The following TG variants were observed in gnomAD, a reference collection of about 807,000 sequenced individuals.
TG encodes thyroid hormones.
In TG, 270 loss-of-function variants were observed where a neutral mutation model predicts 324.7. The observed-to-expected ratio is 0.83, with a 90% confidence interval of 0.75 to 0.92. The LOEUF (loss-of-function observed/expected upper bound fraction) is 0.92, where lower values mean the gene tolerates loss of function less well. Ranked by LOEUF, TG falls within the 40% of genes least tolerant of loss-of-function variation. The pLI is 0.00. For missense variants in TG, 3,591 were observed against 3,456.4 expected (o/e 1.04, Z -0.98); for synonymous variants, 1,401 against 1,327.0 (o/e 1.06, Z -1.21).
At chr8:132,970,834 G>T (rs1829401848) in intron 32 of TG, among the ~76,000 whole-genome samples, 1 of 152,192 alleles carries the variant, frequency 6.6e-6, no homozygotes, top group Non-Finnish European at 1.5e-5. Context: ...GATAGGAAAA[G>T]GAAGCAGTAA....
At position 132,873,244 on chromosome 8, in the gene TG, A is replaced by T. The variant is rs576138149; in HGVS notation, c.638+23A>T. The T allele has an allele frequency of 2.0e-4, 326 of 1,613,692 alleles. 4 individuals carry two copies. In the South Asian group the frequency reaches 2.7e-3, roughly 13 times the overall value. ...CAGGTAAGGGGAGCAGGGGTGTGCC[A>T]GTCACTGGGCCATCACCTGACGCAG... On this transcript the variant is annotated intron_variant, in intron 5 of 47. Transcript: ENST00000220616.
intron 40 of TG, 62 bp downstream of exon 40, chr8:133,022,212 C>T (rs1307606939): frequency 1.2e-6 from 2 of 1,609,244 alleles, no homozygotes; most frequent in Admixed American, 1.7e-5. Flanking sequence ...CCCCTTTTCC[C>T]CAAGACCCAT....
intron 41 of TG, among the ~76,000 whole-genome samples, chr8:133,039,635 T>G (rs983243194): frequency 6.6e-6 from 1 of 152,176 alleles, no homozygotes; most frequent in Non-Finnish European, 1.5e-5. Context: ...TGAGTGGGTT[T>G]TAAATAATAT....
intron 33 of TG, chr8:132,972,277 T>G (rs551037310): frequency 4.6e-5 from 22 of 473,554 alleles, no homozygotes; most frequent in East Asian, 3.7e-4. Context: ...CCTCCTCATC[T>G]GTATATAGGG....
chr8:133,011,937 C>T lies in TG; in HGVS notation c.6299C>T (p.Ser2100Leu). ...LDSWQSLALS[S>L]VVVDPSIRHF... ...TCGTGGCAGTCCCTGGCCCTCTCTTCAGTGGTTGTTGATCCATCCATTAGG... is the reference window on the plus strand; with the variant it reads ...TCGTGGCAGTCCCTGGCCCTCTCTTTAGTGGTTGTTGATCCATCCATTAGG... Residue 2100 changes from serine (S) to leucine (L), a missense_variant, in exon 36 of 48, where the codon TCA becomes TTA. Physicochemically the swap from Ser to Leu is moderately radical, Grantham distance 145. Transcript: ENST00000220616. The T allele has an allele frequency of 1.2e-6, 2 of 1,614,224 alleles. No individual in the cohort carries two copies.
At chr8:133,030,046 T>G (rs1435240161) in intron 41 of TG, 23 bp downstream of exon 41, 13 of 1,613,936 alleles carry the variant, frequency 8.1e-6, no homozygotes, top group Non-Finnish European at 9.3e-6. Flanking sequence ...TGTTCTACCT[T>G]CAGTCTTACT....
At chr8:133,120,862 G>A (rs1280975780) in intron 45 of TG, among the ~76,000 whole-genome samples, 1 of 152,192 alleles carries the variant, frequency 6.6e-6, no homozygotes, top group African/African-American at 2.4e-5. Flanking sequence ...CTCTTGAATG[G>A]CAATGGCCCA....
chr8:133,088,708 C>T (rs1847005533), intron 41 of TG, among the ~76,000 whole-genome samples: 1 of 152,214 alleles, frequency 6.6e-6, no homozygotes, highest in Non-Finnish European at 1.5e-5. Flanking sequence ...TCCTACATTT[C>T]AGATTGTCTC....
chr8:132,939,688 G>GT (rs959469616), intron 25 of TG, among the ~76,000 whole-genome samples: 3 of 148,636 alleles, frequency 2.0e-5, no homozygotes, highest in African/African-American at 7.6e-5. Flanking sequence ...TTGTTTGTTT[G>GT]TTTTTTAAGA....
chr8:133,058,736 G>A (rs1036518385), intron 41 of TG, among the ~76,000 whole-genome samples: 1 of 152,234 alleles, frequency 6.6e-6, no homozygotes, highest in African/African-American at 2.4e-5. Flanking sequence ...TCTGAGTGTC[G>A]CATGGGAGAT....
At chr8:133,091,034 C>T (rs1847428098) in intron 41 of TG, among the ~76,000 whole-genome samples, 1 of 152,202 alleles carries the variant, frequency 6.6e-6, no homozygotes, top group South Asian at 2.1e-4. Flanking sequence ...CTGGAGCCCC[C>T]TCTAAAGTTG....
At chr8:133,085,353 C>T (rs984262622) in intron 41 of TG, among the ~76,000 whole-genome samples, 4 of 152,122 alleles carry the variant, frequency 2.6e-5, no homozygotes, top group Admixed American at 6.6e-5. Flanking sequence ...ATAGATACAT[C>T]GGATTTCATC....
intron 20 of TG, among the ~76,000 whole-genome samples, chr8:132,918,582 C>T (rs542403241): frequency 6.6e-5 from 10 of 152,266 alleles, no homozygotes; most frequent in African/African-American, 1.7e-4. Context: ...CATCTCAGCA[C>T]GTCCCACTCA....
chr8:133,074,528 A>G (rs1844569919), intron 41 of TG, among the ~76,000 whole-genome samples: 1 of 152,250 alleles, frequency 6.6e-6, no homozygotes, highest in Non-Finnish European at 1.5e-5. Flanking sequence ...AAGGTCGCAC[A>G]GCTAGGAATT....
At chr8:133,060,020 C>T (rs746126928) in intron 41 of TG, 22 of 1,422,998 alleles carry the variant, frequency 1.5e-5, no homozygotes, top group East Asian at 4.9e-5. Context: ...AAGTAGTTAC[C>T]GGCATCCACC....
chr8:132,985,919 G>C (rs1450210695), intron 35 of TG, among the ~76,000 whole-genome samples: 1 of 151,928 alleles, frequency 6.6e-6, no homozygotes, highest in Non-Finnish European at 1.5e-5. Flanking sequence ...GGGTTTAGAT[G>C]CTTATATTCT....
intron 10 of TG, 119 bp from the exon 11 acceptor site, chr8:132,893,571 T>C: frequency 1.5e-6 from 2 of 1,344,216 alleles, no homozygotes; most frequent in Non-Finnish European, 2.1e-6. Context: ...GTGTGTGGTG[T>C]GTGTGTGTGG....
chr8:132,938,319 C>G (rs1823905769), intron 25 of TG, among the ~76,000 whole-genome samples: 1 of 152,208 alleles, frequency 6.6e-6, no homozygotes, highest in African/African-American at 2.4e-5. Flanking sequence ...CACTTAATGT[C>G]TGTGGCCTTC....
intron 26 of TG, among the ~76,000 whole-genome samples, chr8:132,947,875 G>T (rs1386001338): frequency 6.6e-6 from 1 of 152,208 alleles, no homozygotes; most frequent in East Asian, 1.9e-4. Flanking sequence ...AAAAACGTGT[G>T]AGTTACTTGA....
Sources: gnomAD v4.1 joint callset for allele counts (sites outside exome capture counted in the v4.1 genomes callset) on GRCh38, gnomAD v4.1.1 for gene constraint, MANE v1.5 for transcripts, NCBI Gene and HGNC (gene_info 2026-07-23, HGNC 2026-07-21) for gene names.